The following RAB21 variants were observed in gnomAD, a reference collection of about 807,000 sequenced individuals.
RAB21 encodes the protein ras-related protein Rab-21.
RAB21 carries 13 observed loss-of-function variants against 33.1 expected under a neutral mutation model. The observed-to-expected ratio is 0.39, with a 90% CI of 0.26 to 0.62. RAB21 has a LOEUF of 0.62. Among genes scored for constraint, RAB21 ranks in the 20% least tolerant of loss-of-function variants. The pLI, the probability that RAB21 is intolerant of heterozygous loss-of-function variation, is 0.48. For synonymous variants in RAB21, 91 were observed against 103.7 expected (o/e 0.88, Z 0.74); for missense variants, 234 against 279.1 (o/e 0.84, Z 1.15).
intron 5 of RAB21, 64 bp from the exon 6 acceptor site, chr12:71,782,506 A>G (rs1883216601): frequency 8.6e-7 from 1 of 1,158,074 alleles, no homozygotes; most frequent in African/African-American, 1.6e-5. Context: ...TACTATAAAA[A>G]AGCAGTTAAG....
In RAB21 at chr12:71,793,839, A is replaced by G. The variant is rs781010570; in HGVS notation, c.*8166A>G. 6.6e-6 allele frequency: 1 copy of G among 152,192 alleles called. No individual in the cohort carries two copies. Among genetic ancestry groups the G allele is most frequent in the Non-Finnish European group, 1.5e-5 (1 of 68,036 alleles). 9.4% of individuals were successfully genotyped at this position (152,192 alleles called of 1,614,324 possible). On this transcript the variant is annotated 3_prime_UTR_variant, in exon 7 of 7. Coordinates refer to ENST00000261263, the MANE Select transcript of RAB21 (RefSeq NM_014999.4). ...GGTTCTGGGTTCTAGGTTCTAGGCT[A>G]ATAATTTACTACTTTGGTATGTTGC... is the stretch of plus-strand genomic sequence containing the variant.
intron 1 of RAB21, among the ~76,000 whole-genome samples, chr12:71,763,234 A>G (rs1186892835): frequency 6.6e-6 from 1 of 151,318 alleles, no homozygotes; most frequent in Non-Finnish European, 1.5e-5. Context: ...TTTGTTCACA[A>G]TGTAGTTACT....
At chr12:71,773,469 A>G (rs1883072727) in intron 3 of RAB21, among the ~76,000 whole-genome samples, 2 of 152,118 alleles carry the variant, frequency 1.3e-5, no homozygotes, top group Admixed American at 1.3e-4. Context: ...TAAATGATTG[A>G]ATTATTTTAG....
intron 1 of RAB21, among the ~76,000 whole-genome samples, chr12:71,758,419 A>G (rs1882820910): frequency 6.6e-6 from 1 of 152,076 alleles, no homozygotes; most frequent in Non-Finnish European, 1.5e-5. Context: ...AGTTGAAGAT[A>G]GCTATCTTGT....
Position 71,787,235 on chromosome 12 carries a change from T to C in RAB21, c.*1562T>C, listed in dbSNP as rs546781160. Reference sequence around the variant, plus strand: ...TAAAGAATTATATTTGTGTATACTTTATAAATTAGTCCCTCATTAGATTTT... The same window carrying C: ...TAAAGAATTATATTTGTGTATACTTCATAAATTAGTCCCTCATTAGATTTT... On this transcript the variant is annotated 3_prime_UTR_variant, in exon 7 of 7. Coordinates refer to ENST00000261263, the MANE Select transcript of RAB21 (RefSeq NM_014999.4). 6.6e-6 allele frequency: 1 copy of C among 152,372 alleles called. No homozygotes were observed. The highest frequency in any genetic ancestry group is 6.5e-5 in the Admixed American group (1 of 15,308). The allele number at this position is 152,372 out of a possible 1,614,324, so 9.4% of individuals were successfully genotyped here. A position where few individuals can be genotyped will look rare whatever the true frequency, so the allele number is the denominator to read the frequency against.
At chr12:71,773,109 G>A (rs1883068035) in intron 3 of RAB21, among the ~76,000 whole-genome samples, 1 of 152,196 alleles carries the variant, frequency 6.6e-6, no homozygotes, top group East Asian at 1.9e-4. Flanking sequence ...GAAGGCAGGT[G>A]TCCAAGTTTG....
chr12:71,773,758 T>C (rs1485772817), intron 3 of RAB21, among the ~76,000 whole-genome samples: 2 of 152,214 alleles, frequency 1.3e-5, no homozygotes, highest in Non-Finnish European at 2.9e-5. Context: ...CTGTGTATTT[T>C]TCCATTGTAT....
chr12:71,758,603 T>C (rs1415045136), intron 1 of RAB21, among the ~76,000 whole-genome samples: 1 of 151,364 alleles, frequency 6.6e-6, no homozygotes, highest in Non-Finnish European at 1.5e-5. Flanking sequence ...CACCTCAGCC[T>C]CCAAGTAGCT....
intron 1 of RAB21, among the ~76,000 whole-genome samples, chr12:71,765,054 T>G (rs895891318): frequency 1.3e-5 from 2 of 152,208 alleles, no homozygotes; most frequent in Non-Finnish European, 2.9e-5. Flanking sequence ...CTTTAGTGGT[T>G]GTTCTAGTTT....
chr12:71,755,296 C>A lies in RAB21; in HGVS notation c.159+8C>A. On this transcript the variant is annotated splice_region_variant and intron_variant, in intron 1 of 6. Transcript: ENST00000261263. ...CACATCACCACTCTGCAGGTGCGGA[C>A]CTCGGGGAGCGGGAGGGGGCGCCTC... 1 of 1,508,082 alleles carries A rather than the reference C, an allele frequency of 6.6e-7. No individual in the cohort carries two copies. The highest frequency in any genetic ancestry group is 8.8e-7 in the Non-Finnish European group (1 of 1,131,794). 93.4% of individuals were successfully genotyped at this position (1,508,082 alleles called of 1,614,324 possible).
chr12:71,784,808 G>C (rs1883259227), intron 6 of RAB21, among the ~76,000 whole-genome samples: 3 of 152,026 alleles, frequency 2.0e-5, no homozygotes, highest in African/African-American at 7.2e-5. Context: ...AAATATCGCT[G>C]TGGTCAGGGA....
intron 4 of RAB21, among the ~76,000 whole-genome samples, chr12:71,776,959 C>T (rs779276353): frequency 1.1e-4 from 17 of 152,110 alleles, no homozygotes; most frequent in Non-Finnish European, 1.9e-4. Context: ...TGTACATACA[C>T]GCTGGTGTTG....
chr12:71,762,562 C>T (rs1882890871), intron 1 of RAB21, among the ~76,000 whole-genome samples: 1 of 151,974 alleles, frequency 6.6e-6, no homozygotes, highest in African/African-American at 2.4e-5. Context: ...GCCTCGGCCT[C>T]CCAAAGTGCT....
chr12:71,782,726 T>C, intron 6 of RAB21, 68 bp downstream of exon 6: 1 of 1,030,264 alleles, frequency 9.7e-7, no homozygotes, highest in Non-Finnish European at 1.4e-6. Flanking sequence ...AAATAGTATG[T>C]ATTTTACACC....
chr12:71,756,025 T>C (rs1461503115), intron 1 of RAB21, among the ~76,000 whole-genome samples: 1 of 152,218 alleles, frequency 6.6e-6, no homozygotes, highest in Non-Finnish European at 1.5e-5. Context: ...TAAAATGTTA[T>C]CATTGATTGA....
In RAB21 at chr12:71,777,137, A is replaced by G. The variant is rs573528208; in HGVS notation, c.391+3115A>G. ...CAATAACATAATTTTCACAAAATGAAAATTGCACGGTGTAAGCAGTACCTA... is the reference window on the plus strand; with the variant it reads ...CAATAACATAATTTTCACAAAATGAGAATTGCACGGTGTAAGCAGTACCTA... On this transcript the variant is annotated intron_variant, in intron 4 of 6. Coordinates refer to ENST00000261263, the MANE Select transcript of RAB21 (RefSeq NM_014999.4). Among the ~76,000 whole-genome samples, 11 of 152,324 alleles carry G rather than the reference A, an allele frequency of 7.2e-5. No individual in the cohort carries two copies. The East Asian group carries it at 1.4e-3, about 19-fold the overall frequency.
At chr12:71,766,734 AG>A (rs1366171503) in intron 1 of RAB21, among the ~76,000 whole-genome samples, 1 of 152,152 alleles carries the variant, frequency 6.6e-6, no homozygotes. Flanking sequence ...TCAAGGAAAA[AG>A]AGCCATATTT....
chr12:71,757,232 CAAG>C (rs1407240486), intron 1 of RAB21, among the ~76,000 whole-genome samples: 1 of 152,092 alleles, frequency 6.6e-6, no homozygotes, highest in Non-Finnish European at 1.5e-5. Flanking sequence ...GTCAACCTCT[CAAG>C]TAGCTGGGAT....
Position 71,784,648 on chromosome 12 carries a change from T to A in RAB21, c.536-883T>A, listed in dbSNP as rs528983189. 8.8e-4 allele frequency among the ~76,000 whole-genome samples: 134 copies of A among 152,298 alleles called. 1 individual carries two copies. Among genetic ancestry groups the A allele is most frequent in the African/African-American group, 3.1e-3 (130 of 41,570 alleles). Reference sequence around the variant, plus strand: ...ATATCTACGGGGTCTATTTCTGGACTGTGTTTTTTTGGTTCCACTGATCTA... The same window carrying A: ...ATATCTACGGGGTCTATTTCTGGACAGTGTTTTTTTGGTTCCACTGATCTA... On this transcript the variant is annotated intron_variant, in intron 6 of 6. Coordinates refer to ENST00000261263, the MANE Select transcript of RAB21 (RefSeq NM_014999.4).
Sources: gnomAD v4.1 joint callset for allele counts (sites outside exome capture counted in the v4.1 genomes callset) on GRCh38, gnomAD v4.1.1 for gene constraint, MANE v1.5 for transcripts, NCBI Gene and HGNC (gene_info 2026-07-23, HGNC 2026-07-21) for gene names.